Variants in SCAMP1 observed in about 807,000 individuals in gnomAD.
The protein encoded by SCAMP1 is secretory carrier-associated membrane protein 1.
In SCAMP1, 15 loss-of-function variants were observed where a neutral mutation model predicts 41.8. That is an observed-to-expected ratio of 0.36 (90% CI 0.24 to 0.55). SCAMP1 has a LOEUF of 0.55. Ranked by LOEUF, SCAMP1 falls within the 20% of genes least tolerant of loss-of-function variation. SCAMP1 has a pLI of 0.86. For missense variants in SCAMP1, 341 were observed against 412.6 expected (o/e 0.83, Z 1.50); for synonymous variants, 135 against 136.8 (o/e 0.99, Z 0.09).
chr5:78,362,030 T>G (rs550085165), intron 1 of SCAMP1, among the ~76,000 whole-genome samples: 233 of 152,358 alleles, frequency 1.5e-3, no homozygotes, highest in African/African-American at 5.3e-3. Flanking sequence ...CTAATGTCAC[T>G]TAAAATTCAG....
At chr5:78,457,632 CTT>C (rs1205137375) in intron 7 of SCAMP1, among the ~76,000 whole-genome samples, 2 of 152,228 alleles carry the variant, frequency 1.3e-5, no homozygotes, top group Admixed American at 1.3e-4. Context: ...TTACTGCTGA[CTT>C]TTTGTTTGTC....
At position 78,423,748 on chromosome 5, in the gene SCAMP1, T is replaced by C. The variant is rs147073415; in HGVS notation, c.632+1788T>C. Among the ~76,000 whole-genome samples, 67 of 152,224 alleles carry C rather than the reference T, an allele frequency of 4.4e-4. 1 individual carries two copies. The highest frequency in any genetic ancestry group is 1.6e-3 in the African/African-American group (65 of 41,548). ...ACATTTTTACTTGTGGCATTATTGA[T>C]CCCTAGGCTGAGTTTTTAGCTGCAT... On this transcript the variant is annotated intron_variant, in intron 6 of 8. Transcript: ENST00000621999.
chr5:78,453,646 T>C (rs1753302204), intron 7 of SCAMP1, among the ~76,000 whole-genome samples: 1 of 152,260 alleles, frequency 6.6e-6, no homozygotes, highest in African/African-American at 2.4e-5. Context: ...TTCTTTTGGC[T>C]TAGGATAGCC....
chr5:78,381,172 G>A (rs1187703332), intron 1 of SCAMP1, among the ~76,000 whole-genome samples: 2 of 152,238 alleles, frequency 1.3e-5, no homozygotes, highest in African/African-American at 4.8e-5. Context: ...TGTTGATGGA[G>A]CTCTCATAAG....
At chr5:78,402,009 T>C (rs1751811571) in intron 2 of SCAMP1, among the ~76,000 whole-genome samples, 1 of 144,544 alleles carries the variant, frequency 6.9e-6, no homozygotes, top group Non-Finnish European at 1.5e-5. Context: ...CCACAAATTT[T>C]GATAAGATGT....
intron 7 of SCAMP1, among the ~76,000 whole-genome samples, chr5:78,453,015 C>T (rs1393275861): frequency 1.4e-5 from 2 of 147,152 alleles, no homozygotes; most frequent in African/African-American, 5.1e-5. Context: ...GTCCTTCGCC[C>T]ACTTTTTGAT....
chr5:78,369,399 G>A (rs1420107925), intron 1 of SCAMP1, among the ~76,000 whole-genome samples: 4 of 152,064 alleles, frequency 2.6e-5, no homozygotes, highest in Non-Finnish European at 4.4e-5. Flanking sequence ...GAGTCATCGT[G>A]CCCGGCCAGG....
intron 7 of SCAMP1, among the ~76,000 whole-genome samples, chr5:78,451,728 G>C (rs1753236035): frequency 6.6e-6 from 1 of 152,184 alleles, no homozygotes; most frequent in Non-Finnish European, 1.5e-5. Flanking sequence ...CATGATCTCA[G>C]CTCACTGCCT....
chr5:78,370,854 T>A (rs978279930), intron 1 of SCAMP1: 6 of 152,182 alleles, frequency 3.9e-5, no homozygotes, highest in Non-Finnish European at 8.8e-5. Flanking sequence ...TTACCTGTTT[T>A]TTATTCTAGT....
In SCAMP1 at chr5:78,373,464, TATGTAGGAAAGTTGCC is replaced by T. The variant is rs1334423146; in HGVS notation, c.57+12738_57+12753del. ...GCATCCCTAGCTGTAGGAAAGTTGCTATGTAGGAAAGTTGCCACATGGGGATAAAATTACACCTCTA... is the reference window on the plus strand; with the variant it reads ...GCATCCCTAGCTGTAGGAAAGTTGCTACATGGGGATAAAATTACACCTCTA... On this transcript the variant is annotated intron_variant, in intron 1 of 8. Transcript: ENST00000621999. 9.9e-5 allele frequency among the ~76,000 whole-genome samples: 15 copies of T among 151,052 alleles called. 1 individual carries two copies. The highest frequency in any genetic ancestry group is 9.8e-4 in the Admixed American group (15 of 15,240).
At chr5:78,447,513 CTT>C (rs1474036469) in intron 6 of SCAMP1, among the ~76,000 whole-genome samples, 1 of 152,042 alleles carries the variant, frequency 6.6e-6, no homozygotes, top group African/African-American at 2.4e-5. Context: ...AAAGGACAGT[CTT>C]TTTAAGAAAT....
At chr5:78,447,854 C>T (rs1753092881) in intron 6 of SCAMP1, among the ~76,000 whole-genome samples, 1 of 107,944 alleles carries the variant, frequency 9.3e-6, no homozygotes, top group Admixed American at 9.2e-5. Flanking sequence ...CCCCTCCCTC[C>T]TCCCCTGCCC....
At chr5:78,419,288 T>C (rs1752282393) in intron 5 of SCAMP1, among the ~76,000 whole-genome samples, 1 of 152,234 alleles carries the variant, frequency 6.6e-6, no homozygotes, top group Non-Finnish European at 1.5e-5. Flanking sequence ...CTGTTAAATG[T>C]AGGCGTTTTA....
chr5:78,361,951 GATT>G (rs747808015), intron 1 of SCAMP1, among the ~76,000 whole-genome samples: 3 of 152,178 alleles, frequency 2.0e-5, no homozygotes, highest in Non-Finnish European at 4.4e-5. Context: ...AAATGACCCT[GATT>G]ATTATTGACA....
intron 1 of SCAMP1, among the ~76,000 whole-genome samples, chr5:78,364,539 TG>T (rs958059270): frequency 1.7e-4 from 26 of 152,310 alleles, no homozygotes; most frequent in African/African-American, 6.0e-4. Flanking sequence ...GTGTAGGTAG[TG>T]TAGAATTGGC....
chr5:78,419,965 G>A (rs1042049755), intron 5 of SCAMP1, among the ~76,000 whole-genome samples: 4 of 152,046 alleles, frequency 2.6e-5, no homozygotes, highest in Non-Finnish European at 4.4e-5. Context: ...TTCCATATAT[G>A]TACATGCTAA....
At chr5:78,469,238 A>G (rs113624273) in intron 8 of SCAMP1, among the ~76,000 whole-genome samples, 3,343 of 152,134 alleles carry the variant, frequency 0.022, 109 homozygotes, top group African/African-American at 0.069. Flanking sequence ...CTATTTTTCT[A>G]TAGTCACAAA....
chr5:78,393,806 T>C (rs1279127313), intron 2 of SCAMP1, among the ~76,000 whole-genome samples: 1 of 152,158 alleles, frequency 6.6e-6, no homozygotes, highest in Non-Finnish European at 1.5e-5. Context: ...GGGGAATGTT[T>C]TTCTTTTCAA....
chr5:78,457,320 C>G (rs1753438158), intron 7 of SCAMP1, among the ~76,000 whole-genome samples: 1 of 152,080 alleles, frequency 6.6e-6, no homozygotes, highest in Non-Finnish European at 1.5e-5. Flanking sequence ...GTGGTTTTAT[C>G]TACTTTTGGT....
Sources: gnomAD v4.1 joint callset for allele counts (sites outside exome capture counted in the v4.1 genomes callset) on GRCh38, gnomAD v4.1.1 for gene constraint, MANE v1.5 for transcripts, NCBI Gene and HGNC (gene_info 2026-07-23, HGNC 2026-07-21) for gene names.